TDRD12: variants seen among roughly 807,000 people sequenced by gnomAD.
TDRD12 encodes the protein putative ATP-dependent RNA helicase TDRD12.
In TDRD12, 158 loss-of-function variants were observed where a neutral mutation model predicts 133.5. The observed-to-expected ratio is 1.18, with a 90% CI of 1.04 to 1.35. The LOEUF is 1.35. Ranked by LOEUF, TDRD12 falls within the 40% of genes most tolerant of loss-of-function variation. The pLI is 0.00. For synonymous variants in TDRD12, 460 were observed against 477.9 expected, an observed-to-expected ratio of 0.96 and a Z score of 0.49; for missense variants, 1,443 against 1,321.3, an observed-to-expected ratio of 1.09 and a Z score of -1.43.
At chr19:32,775,749 G>A (rs888757055) in intron 10 of TDRD12, among the ~76,000 whole-genome samples, 3 of 151,882 alleles carry the variant, frequency 2.0e-5, no homozygotes, top group Non-Finnish European at 4.4e-5. Flanking sequence ...TGTGGAGTGA[G>A]TGTCCAGAGA....
At chr19:32,796,937 AGGGCAG>A (rs1449383313) in intron 14 of TDRD12, among the ~76,000 whole-genome samples, 2 of 149,470 alleles carry the variant, frequency 1.3e-5, no homozygotes, top group South Asian at 2.1e-4. Context: ...CGGCTTGCAG[AGGGCAG>A]GGTTCAGAAG....
chr19:32,776,528 T>C (rs1167336151), intron 10 of TDRD12, among the ~76,000 whole-genome samples: 1 of 152,232 alleles, frequency 6.6e-6, no homozygotes, highest in African/African-American at 2.4e-5. Context: ...CTCCTGGAGA[T>C]TCTGGCGTCT....
chr19:32,739,963 A>C (rs1235574015), intron 3 of TDRD12, among the ~76,000 whole-genome samples: 363 of 64,698 alleles, frequency 5.6e-3, no homozygotes, highest in African/African-American at 7.8e-3. Context: ...TAGGTACTCT[A>C]TGCATCTCCT....
intron 8 of TDRD12, among the ~76,000 whole-genome samples, chr19:32,762,661 C>T (rs772342339): frequency 6.6e-6 from 1 of 152,128 alleles, no homozygotes; most frequent in Non-Finnish European, 1.5e-5. Context: ...CTCTGTGCCT[C>T]GAGTACTTTT....
chr19:32,786,523 A>G (rs1486579826), intron 11 of TDRD12, among the ~76,000 whole-genome samples: 1 of 152,204 alleles, frequency 6.6e-6, no homozygotes, highest in Non-Finnish European at 1.5e-5. Context: ...AATGTTTTCT[A>G]ACTTGGCACC....
At chr19:32,778,526 A>G (rs569892240) in intron 11 of TDRD12, among the ~76,000 whole-genome samples, 1 of 152,098 alleles carries the variant, frequency 6.6e-6, no homozygotes, top group African/African-American at 2.4e-5. Context: ...TGGAGACGGA[A>G]TCTTGCTCTG....
At chr19:32,819,100 C>T (rs1356334351) in intron 27 of TDRD12, among the ~76,000 whole-genome samples, 1 of 151,998 alleles carries the variant, frequency 6.6e-6, no homozygotes, top group Admixed American at 6.6e-5. Flanking sequence ...GAGGATTGCT[C>T]AAGCTCAGGA....
At chr19:32,729,892 A>G (rs1599828354) in intron 1 of TDRD12, among the ~76,000 whole-genome samples, 1 of 139,776 alleles carries the variant, frequency 7.2e-6, no homozygotes, top group East Asian at 2.2e-4. Flanking sequence ...CCGGTTTCAC[A>G]CCATTCTCCT....
In TDRD12 at chr19:32,775,408, A is replaced by G. The variant is rs551944049; in HGVS notation, c.1041-1741A>G. Among the ~76,000 whole-genome samples, 14 of 152,296 alleles carry G rather than the reference A, an allele frequency of 9.2e-5. No homozygotes were observed. In the East Asian group the frequency reaches 2.3e-3, roughly 25 times the overall value. ...TGCAGTGGAGCAATCATAACTCACT[A>G]TAGCCTTAAACTCCTGGGCTTAAGC... On this transcript the variant is annotated intron_variant, in intron 10 of 27. Transcript: ENST00000444215.
chr19:32,796,362 G>A (rs919003683), intron 14 of TDRD12, among the ~76,000 whole-genome samples: 1 of 152,158 alleles, frequency 6.6e-6, no homozygotes, highest in Non-Finnish European at 1.5e-5. Context: ...GCCGAGGCAG[G>A]CGGATCACGA....
chr19:32,775,516 G>A (rs1970556514), intron 10 of TDRD12, among the ~76,000 whole-genome samples: 1 of 152,076 alleles, frequency 6.6e-6, no homozygotes, highest in Admixed American at 6.6e-5. Context: ...TTTTTTTGCA[G>A]AGATGGAAGT....
chr19:32,760,822 A>G (rs1970128686), intron 8 of TDRD12, among the ~76,000 whole-genome samples: 3 of 152,228 alleles, frequency 2.0e-5, no homozygotes, highest in African/African-American at 7.2e-5. Flanking sequence ...CATCTTCTCA[A>G]TAAATTTTTT....
chr19:32,758,969 C>T (rs1000794292), intron 8 of TDRD12, among the ~76,000 whole-genome samples: 8 of 152,002 alleles, frequency 5.3e-5, no homozygotes, highest in African/African-American at 7.2e-5. Flanking sequence ...AGGCTGGGCA[C>T]GGTGGCTCAT....
chr19:32,805,616 T>C (rs966506855), intron 21 of TDRD12, among the ~76,000 whole-genome samples: 2 of 152,212 alleles, frequency 1.3e-5, no homozygotes, highest in Admixed American at 1.3e-4. Flanking sequence ...TATTACACTT[T>C]GTTATAGCAC....
chr19:32,811,986 C>T (rs901855278), intron 24 of TDRD12, among the ~76,000 whole-genome samples: 2 of 152,158 alleles, frequency 1.3e-5, no homozygotes, highest in African/African-American at 4.8e-5. Context: ...GGTGCAGGGA[C>T]GATGGGCCAG....
chr19:32,751,974 A>G (rs1266197018), intron 6 of TDRD12, among the ~76,000 whole-genome samples: 1 of 151,994 alleles, frequency 6.6e-6, no homozygotes, highest in Non-Finnish European at 1.5e-5. Flanking sequence ...CCCGGGTTCA[A>G]GTGATTCTCC....
chr19:32,735,484 G>A (rs1377710799), intron 2 of TDRD12, among the ~76,000 whole-genome samples: 1 of 152,202 alleles, frequency 6.6e-6, no homozygotes, highest in Non-Finnish European at 1.5e-5. Flanking sequence ...GGTTCATGAG[G>A]TTTAAGAAAA....
intron 22 of TDRD12, among the ~76,000 whole-genome samples, chr19:32,808,020 T>C (rs1326548088): frequency 2.6e-5 from 4 of 152,128 alleles, no homozygotes; most frequent in African/African-American, 7.2e-5. Context: ...GGCCAGGAGT[T>C]CAAGACCAGC....
intron 10 of TDRD12, 90 bp from the exon 11 acceptor site, chr19:32,777,059 T>A (rs28421491): frequency 1.2e-5 from 10 of 846,150 alleles, no homozygotes; most frequent in Non-Finnish European, 1.8e-5. Context: ...CGGCATTTTT[T>A]ATTTTTTTAT....
Sources: allele counts gnomAD v4.1 joint callset (sites outside exome capture counted in the v4.1 genomes callset), GRCh38; gene constraint gnomAD v4.1.1; transcripts MANE v1.5; gene names NCBI Gene and HGNC (gene_info 2026-07-23, HGNC 2026-07-21).